FMN1: variants seen among roughly 807,000 people sequenced by gnomAD.
The protein encoded by FMN1 is formin 1, also known as formin-1.
Under a neutral mutation model 132.4 loss-of-function variants are expected in FMN1, and 110 were observed. That is an observed-to-expected ratio of 0.83 (90% CI 0.71 to 0.97). The LOEUF is 0.97. FMN1 is among the 50% of genes least tolerant of loss of function. The pLI, the probability that FMN1 is intolerant of heterozygous loss-of-function variation, is 0.00. For missense variants in FMN1, 1,792 were observed against 1,705.3 expected (o/e 1.05, Z -0.90); for synonymous variants, 722 against 651.7 (o/e 1.11, Z -1.64).
At chr15:32,906,727 A>G (rs8027369) in intron 12 of FMN1, among the ~76,000 whole-genome samples, 15,324 of 152,240 alleles carry the variant, frequency 0.1, 1,003 homozygotes, top group African/African-American at 0.18. Flanking sequence ...CATTTGTTAT[A>G]ATAGGAAATA....
chr15:32,903,046 C>G (rs1447166427), intron 12 of FMN1, among the ~76,000 whole-genome samples: 1 of 152,144 alleles, frequency 6.6e-6, no homozygotes, highest in Admixed American at 6.5e-5. Flanking sequence ...CTTTCTATAC[C>G]GAAAGATATT....
chr15:33,082,131 G>C (rs1244672590), intron 5 of FMN1, among the ~76,000 whole-genome samples: 1 of 148,632 alleles, frequency 6.7e-6, no homozygotes, highest in Admixed American at 6.7e-5. Context: ...GTGTGTGTGT[G>C]TAAGACAGAG....
intron 9 of FMN1, among the ~76,000 whole-genome samples, chr15:32,952,973 CA>C (rs1233583792): frequency 6.6e-6 from 1 of 152,152 alleles, no homozygotes; most frequent in Non-Finnish European, 1.5e-5. Context: ...CTTTCCCTTG[CA>C]GTGAGAAGCT....
chr15:32,982,388 A>G lies in FMN1; in HGVS notation c.2224-12911T>C, dbSNP rs563324245. 2.6e-5 allele frequency among the ~76,000 whole-genome samples: 4 copies of G among 152,362 alleles called. No homozygotes were observed. The South Asian group carries it at 8.3e-4, about 32-fold the overall frequency. On this transcript the variant is annotated intron_variant, in intron 7 of 20. Coordinates refer to ENST00000616417, the MANE Select transcript of FMN1 (RefSeq NM_001277313.2). ...TTATAAAGTTAAACACACACTTTCC[A>G]TATCAACTATCGATCCCACTCCTAC...
chr15:33,147,665 T>C (rs1015166083), intron 4 of FMN1, among the ~76,000 whole-genome samples: 11 of 152,238 alleles, frequency 7.2e-5, no homozygotes, highest in Non-Finnish European at 1.0e-4. Flanking sequence ...ATTCTGGCCA[T>C]GGTCCTGGCC....
intron 6 of FMN1, among the ~76,000 whole-genome samples, chr15:33,053,163 G>T (rs901874541): frequency 6.6e-6 from 1 of 152,186 alleles, no homozygotes; most frequent in Non-Finnish European, 1.5e-5. Flanking sequence ...TGTAGAACTA[G>T]GCCTTTGCCC....
At chr15:33,002,089 C>A (rs1467628007) in intron 7 of FMN1, among the ~76,000 whole-genome samples, 1 of 152,190 alleles carries the variant, frequency 6.6e-6, no homozygotes, top group Non-Finnish European at 1.5e-5. Flanking sequence ...CTTATTGAAT[C>A]ATGCTGTTTT....
intron 17 of FMN1, among the ~76,000 whole-genome samples, chr15:32,846,805 A>C (rs1345738287): frequency 1.3e-5 from 2 of 152,250 alleles, no homozygotes. Context: ...ACTTGGAACC[A>C]ACCCAAATGC....
At position 33,065,018 on chromosome 15, in the gene FMN1, G is replaced by C; in HGVS notation, c.2100C>G (p.Val700=). The change falls in exon 6 of 21, where the codon GTC becomes GTG. Residue 700 remains valine, a synonymous_variant. Transcript: ENST00000616417. ...TGTCTTTTGTCTTTGGGGGTGGCCA[G>C]ACAGCTTGAAGTCTGCCAGGAGTCC... The part of the protein sequence containing the change: ...DDRTPGRLQA[V]WPPPKTKDTE... 1.9e-6 allele frequency: 3 copies of C among 1,612,190 alleles called. No homozygotes were observed. The highest frequency in any genetic ancestry group is 2.5e-6 in the Non-Finnish European group (3 of 1,179,152).
intron 7 of FMN1, among the ~76,000 whole-genome samples, chr15:32,993,678 C>T (rs114782811): frequency 0.027 from 4,130 of 152,244 alleles, 67 homozygotes; most frequent in Middle Eastern, 0.085. Flanking sequence ...TCAAGCTGTA[C>T]ACATTTACAG....
intron 4 of FMN1, among the ~76,000 whole-genome samples, chr15:33,125,811 C>T (rs1000256452): frequency 2.0e-5 from 3 of 152,082 alleles, no homozygotes; most frequent in Non-Finnish European, 4.4e-5. Context: ...TTCCTATTTT[C>T]ATGTAGTTCA....
At position 33,088,189 on chromosome 15, in the gene FMN1, T is replaced by A. The variant is rs532577769; in HGVS notation, c.2043+610A>T. 6.3e-4 allele frequency among the ~76,000 whole-genome samples: 96 copies of A among 152,042 alleles called. No individual in the cohort carries two copies. The South Asian group carries it at 6.4e-3, about 10-fold the overall frequency. ...ATTCATGTAACCAAACACCACCTGT[T>A]CGCCAAAAACCTATTGAAATTAAAA... is the stretch of plus-strand genomic sequence containing the variant. On this transcript the variant is annotated intron_variant, in intron 5 of 20. Coordinates refer to ENST00000616417, the MANE Select transcript of FMN1 (RefSeq NM_001277313.2).
chr15:33,054,711 G>A (rs1468386237), intron 6 of FMN1, among the ~76,000 whole-genome samples: 2 of 152,180 alleles, frequency 1.3e-5, no homozygotes, highest in Non-Finnish European at 2.9e-5. Context: ...CCCACCATGA[G>A]GCAGACATAA....
At position 32,908,583 on chromosome 15, in the gene FMN1, ATC is replaced by A. The variant is rs753606962; in HGVS notation, c.3289-7_3289-6del. The A allele has an allele frequency of 2.1e-6, 3 of 1,459,284 alleles. No homozygotes were observed. Among genetic ancestry groups the A allele is most frequent in the African/African-American group, 1.5e-5 (1 of 67,702 alleles). 90.4% of individuals were successfully genotyped at this position (1,459,284 alleles called of 1,614,324 possible). ...CAGCTCATCCTCTTGGGCTCTCTGT[ATC>A]AAAATAGAAAACAAAACCAAAAAAA... On this transcript the variant is annotated splice_region_variant and splice_polypyrimidine_tract_variant and intron_variant, in intron 11 of 20. Coordinates refer to ENST00000616417, the MANE Select transcript of FMN1 (RefSeq NM_001277313.2).
At chr15:33,120,523 A>C (rs1185231802) in intron 4 of FMN1, among the ~76,000 whole-genome samples, 1 of 152,212 alleles carries the variant, frequency 6.6e-6, no homozygotes, top group Non-Finnish European at 1.5e-5. Context: ...TAATCCAAAA[A>C]ATGAGAAAAC....
rs1439465583 is a variant in FMN1, at chr15:33,007,971, A to G, written c.2223+43T>C. The G allele has an allele frequency of 2.0e-6, 3 of 1,511,920 alleles. No homozygotes were observed. In the East Asian group the frequency reaches 6.9e-5, roughly 35 times the overall value. The allele number at this position is 1,511,920 out of a possible 1,614,324, so 93.7% of individuals were successfully genotyped here. Reference sequence around the variant, plus strand: ...ACTTCAGCATAGGAGAAAACCAAGTATCAGTTCTATAGAACCCGTTCAGTA... The same window carrying G: ...ACTTCAGCATAGGAGAAAACCAAGTGTCAGTTCTATAGAACCCGTTCAGTA... On this transcript the variant is annotated intron_variant, in intron 7 of 20. Transcript: ENST00000616417.
chr15:33,087,633 C>A (rs1246611508), intron 5 of FMN1, among the ~76,000 whole-genome samples: 2 of 152,138 alleles, frequency 1.3e-5, no homozygotes, highest in Non-Finnish European at 2.9e-5. Context: ...TTTGATGCAG[C>A]AATCCAACTA....
chr15:33,050,188 C>T lies in FMN1; in HGVS notation c.2161+14769G>A, dbSNP rs191005737. Among the ~76,000 whole-genome samples the T allele has an allele frequency of 1.4e-3, 212 of 152,268 alleles. 1 individual carries two copies. Among genetic ancestry groups the T allele is most frequent in the African/African-American group, 4.5e-3 (188 of 41,560 alleles). ...GGCGTATAACGTGTATTTTGACTTA[C>T]AATATTCTCAACTTATGTTTATCAG... On this transcript the variant is annotated intron_variant, in intron 6 of 20. Coordinates refer to ENST00000616417, the MANE Select transcript of FMN1 (RefSeq NM_001277313.2).
chr15:32,907,591 C>T (rs2060457925), intron 12 of FMN1, among the ~76,000 whole-genome samples: 1 of 152,142 alleles, frequency 6.6e-6, no homozygotes, highest in African/African-American at 2.4e-5. Flanking sequence ...CATGGAACTC[C>T]AGTGCAAGCC....
Sources: gnomAD v4.1 joint callset for allele counts (sites outside exome capture counted in the v4.1 genomes callset) on GRCh38, gnomAD v4.1.1 for gene constraint, MANE v1.5 for transcripts, NCBI Gene and HGNC (gene_info 2026-07-23, HGNC 2026-07-21) for gene names.